The following NEBL variants were observed in gnomAD, a reference collection of about 807,000 sequenced individuals.
The protein encoded by NEBL is LIM and SH3 protein 2.
A neutral mutation model predicts 140.2 loss-of-function variants in NEBL; 122 were observed. That is an observed-to-expected ratio of 0.87 (90% confidence interval 0.75 to 1.01). The LOEUF is 1.01. NEBL is among the 50% of genes least tolerant of loss of function. The pLI is 0.00. For synonymous variants in NEBL, 436 were observed against 398.9 expected (o/e 1.09, Z -1.11); for missense variants, 1,365 against 1,231.3 (o/e 1.11, Z -1.62).
intron 3 of NEBL, among the ~76,000 whole-genome samples, chr10:21,238,199 A>G (rs1253824714): frequency 6.6e-6 from 1 of 152,210 alleles, no homozygotes; most frequent in Non-Finnish European, 1.5e-5. Context: ...CACCCTCAAC[A>G]ACAGTTGGGA....
chr10:20,980,168 GTGTT>G (rs1332794441), intron 3 of NEBL, among the ~76,000 whole-genome samples: 1 of 152,028 alleles, frequency 6.6e-6, no homozygotes, highest in East Asian at 1.9e-4. Flanking sequence ...AAATATTTGT[GTGTT>G]TGTAGCCTAT....
At chr10:20,939,567 C>G (rs1186351829) in intron 4 of NEBL, among the ~76,000 whole-genome samples, 1 of 152,174 alleles carries the variant, frequency 6.6e-6, no homozygotes, top group African/African-American at 2.4e-5. Flanking sequence ...ATGACAGGAT[C>G]AAATTCACAC....
At chr10:20,812,721 A>G (rs2130786605) in intron 24 of NEBL, 48 bp downstream of exon 24, 1 of 1,606,924 alleles carries the variant, frequency 6.2e-7, no homozygotes, top group Non-Finnish European at 8.5e-7. Context: ...TAGAGCAAGC[A>G]TGATCTTTTC....
chr10:20,875,890 G>A (rs974423080), intron 5 of NEBL, among the ~76,000 whole-genome samples: 8 of 152,156 alleles, frequency 5.3e-5, no homozygotes, highest in African/African-American at 9.7e-5. Context: ...GTGGAACAGA[G>A]GCAAATCATG....
intron 3 of NEBL, among the ~76,000 whole-genome samples, chr10:21,204,612 G>A (rs972196194): frequency 3.3e-5 from 5 of 152,170 alleles, no homozygotes; most frequent in Admixed American, 6.5e-5. Flanking sequence ...GATTTCTATC[G>A]TTTAAGGCTT....
At chr10:21,222,686 T>G (rs1842088046) in intron 3 of NEBL, among the ~76,000 whole-genome samples, 1 of 152,238 alleles carries the variant, frequency 6.6e-6, no homozygotes, top group African/African-American at 2.4e-5. Flanking sequence ...AATAATCACA[T>G]GGGGTAAATG....
At chr10:20,788,274 T>C (rs1647681017) in intron 26 of NEBL, among the ~76,000 whole-genome samples, 1 of 152,206 alleles carries the variant, frequency 6.6e-6, no homozygotes, top group Non-Finnish European at 1.5e-5. Flanking sequence ...TGTGCTACAT[T>C]AGTAAAACTT....
chr10:20,827,006 A>G (rs1439810147), intron 17 of NEBL, among the ~76,000 whole-genome samples: 2 of 152,170 alleles, frequency 1.3e-5, no homozygotes, highest in African/African-American at 4.8e-5. Flanking sequence ...CTCATCATCA[A>G]TATCAATGTT....
intron 4 of NEBL, among the ~76,000 whole-genome samples, chr10:20,935,269 C>A (rs1834418066): frequency 6.6e-6 from 1 of 152,210 alleles, no homozygotes; most frequent in African/African-American, 2.4e-5. Context: ...AAGATCACAA[C>A]ATAGATTCAT....
At chr10:20,844,757 C>G (rs912188812) in intron 12 of NEBL, among the ~76,000 whole-genome samples, 3 of 151,922 alleles carry the variant, frequency 2.0e-5, no homozygotes, top group African/African-American at 7.2e-5. Context: ...TTATCCAGAC[C>G]TTCACATGTG....
intron 3 of NEBL, among the ~76,000 whole-genome samples, chr10:21,236,871 A>T (rs1564547667): frequency 1.3e-5 from 2 of 152,162 alleles, no homozygotes; most frequent in Non-Finnish European, 2.9e-5. Context: ...AGAGTTTCAC[A>T]TCTTAAATAA....
chr10:20,893,814 T>C (rs1278825717), intron 2 of NEBL, among the ~76,000 whole-genome samples: 1 of 152,168 alleles, frequency 6.6e-6, no homozygotes, highest in African/African-American at 2.4e-5. Context: ...GATCTAGCCC[T>C]AGTGTGGTTA....
chr10:21,283,702 T>C (rs2132300269), intron 1 of NEBL, among the ~76,000 whole-genome samples: 2 of 152,300 alleles, frequency 1.3e-5, no homozygotes, highest in Middle Eastern at 3.4e-3. Context: ...ATCATATGAA[T>C]ATTCATACCA....
chr10:20,994,090 C>T (rs1837573026), intron 3 of NEBL, among the ~76,000 whole-genome samples: 1 of 152,224 alleles, frequency 6.6e-6, no homozygotes, highest in African/African-American at 2.4e-5. Context: ...TACTGAACCT[C>T]AGAATGCAAA....
At chr10:20,839,629 A>C (rs1405028844) in intron 13 of NEBL, among the ~76,000 whole-genome samples, 1 of 152,170 alleles carries the variant, frequency 6.6e-6, no homozygotes, top group East Asian at 1.9e-4. Context: ...GTCATGTTTT[A>C]AACACATAAA....
chr10:20,809,807 A>C lies in NEBL; in HGVS notation c.2610T>G (p.Ser870=), dbSNP rs1210925641. The C allele has an allele frequency of 6.2e-7, 1 of 1,601,194 alleles. No individual in the cohort carries two copies. The highest frequency in any genetic ancestry group is 8.6e-7 in the Non-Finnish European group (1 of 1,168,266). ...NIQSRSLHML[S]EKASHYRRHW... is the part of the protein sequence containing the mutation. ...GATGAACTAAAAAGTGAGTAATACC[A>C]GAGAGCATATGGAGACTTCTAGACT... Residue 870 remains serine, a splice_region_variant and synonymous_variant, in exon 25 of 28, where the codon TCT becomes TCG. Transcript: ENST00000377122.
intron 3 of NEBL, among the ~76,000 whole-genome samples, chr10:21,003,263 A>T (rs1168181973): frequency 6.6e-6 from 1 of 151,978 alleles, no homozygotes; most frequent in Admixed American, 6.6e-5. Flanking sequence ...ACACAGACCC[A>T]CTTGCCTGAC....
chr10:21,038,073 ATCT>A (rs1834089904), intron 2 of NEBL, among the ~76,000 whole-genome samples: 1 of 152,194 alleles, frequency 6.6e-6, no homozygotes, highest in Non-Finnish European at 1.5e-5. Flanking sequence ...ATGATATCAC[ATCT>A]TCTTATCAGC....
At chr10:20,960,905 T>C (rs1380383639) in intron 4 of NEBL, among the ~76,000 whole-genome samples, 2 of 152,156 alleles carry the variant, frequency 1.3e-5, no homozygotes, top group East Asian at 1.9e-4. Context: ...GGTATGAGTG[T>C]TGCCTGTTTG....
Sources: allele counts gnomAD v4.1 joint callset (sites outside exome capture counted in the v4.1 genomes callset), GRCh38; gene constraint gnomAD v4.1.1; transcripts MANE v1.5; gene names NCBI Gene and HGNC (gene_info 2026-07-23, HGNC 2026-07-21).